The following SERF2 variants were observed in gnomAD, a reference collection of about 807,000 sequenced individuals.
SERF2 encodes gastric cancer-related protein VRG107.
A neutral mutation model predicts 10.7 loss-of-function variants in SERF2; 4 were observed. That is an observed-to-expected ratio of 0.37 (90% CI 0.18 to 0.86). The LOEUF is 0.86. Among genes scored for constraint, SERF2 ranks in the 40% least tolerant of loss-of-function variants. SERF2 has a pLI of 0.43. For synonymous variants in SERF2, 26 were observed against 26.0 expected, an observed-to-expected ratio of 1.00 and a Z score of 0.01; for missense variants, 47 against 79.1, an observed-to-expected ratio of 0.59 and a Z score of 1.54.
In SERF2 at chr15:43,794,856, C is replaced by T. The variant is rs1421243896; in HGVS notation, c.*1083C>T. On this transcript the variant is annotated 3_prime_UTR_variant, in exon 3 of 3. Coordinates refer to ENST00000249786, the MANE Select transcript of SERF2 (RefSeq NM_001018108.4). ...CAGCACATTAGACTGTGTTTGACCACTTCTTCCAGTTCATAGTATTGACTT... is the reference window on the plus strand; with the variant it reads ...CAGCACATTAGACTGTGTTTGACCATTTCTTCCAGTTCATAGTATTGACTT... 1.2e-4 allele frequency: 79 copies of T among 669,108 alleles called. No individual in the cohort carries two copies. In the East Asian group the frequency reaches 2.0e-3, roughly 17 times the overall value. The allele number at this position is 669,108 out of a possible 1,614,324, so 41.4% of individuals were successfully genotyped here.
intron 1 of SERF2, 117 bp from the exon 2 acceptor site, chr15:43,792,858 C>A: frequency 1.3e-6 from 1 of 786,076 alleles, no homozygotes; most frequent in Non-Finnish European, 2.1e-6. Flanking sequence ...GGGCCGTTGT[C>A]GGGGCCCGGA....
upstream of SERF2, among the ~76,000 whole-genome samples, chr15:43,787,538 C>T (rs996022809): frequency 2.6e-5 from 4 of 152,148 alleles, no homozygotes; most frequent in African/African-American, 7.2e-5. Flanking sequence ...TCTGGGATTG[C>T]GGGCATGCGC....
chr15:43,783,040 ACT>A (rs1339220845), intron 1 of SERF2, among the ~76,000 whole-genome samples: 1 of 126,090 alleles, frequency 7.9e-6, no homozygotes, highest in Non-Finnish European at 1.7e-5. Flanking sequence ...ACATAGTCTA[ACT>A]CTGTCACCAG....
chr15:43,793,343 A>G, intron 2 of SERF2: 1 of 579,054 alleles, frequency 1.7e-6, no homozygotes, highest in Non-Finnish European at 3.0e-6. Context: ...AAGGGCAGGG[A>G]GCTTCACATT....
At chr15:43,786,414 CAAA>C (rs1190326241) in intron 2 of SERF2, among the ~76,000 whole-genome samples, 2 of 68,972 alleles carry the variant, frequency 2.9e-5, no homozygotes. Flanking sequence ...GACTCTGTCT[CAAA>C]AAAAAAAAAA....
chr15:43,793,431 T>G, intron 2 of SERF2: 1 of 786,916 alleles, frequency 1.3e-6, no homozygotes, highest in Non-Finnish European at 2.0e-6. Context: ...TCTCCCAACC[T>G]CCTCACTGGT....
chr15:43,784,673 G>T (rs897190827), intron 1 of SERF2, among the ~76,000 whole-genome samples: 5 of 151,524 alleles, frequency 3.3e-5, no homozygotes, highest in African/African-American at 1.2e-4. Flanking sequence ...TTTCACCATG[G>T]TCTCGATCTC....
chr15:43,790,294 A>G (rs563060289), upstream of SERF2, among the ~76,000 whole-genome samples: 234 of 151,916 alleles, frequency 1.5e-3, no homozygotes, highest in Middle Eastern at 3.4e-3. Context: ...CCTGGGTAAC[A>G]GAGTAAGACT....
rs2087190615 is a variant in SERF2, at chr15:43,795,507, T to C, written c.*1734T>C. ...GGACTGGAGGAGCTGGAGGGGTTTCTTGGTCAGCTGGCCTCGCAGCCCCAC... is the reference window on the plus strand; with the variant it reads ...GGACTGGAGGAGCTGGAGGGGTTTCCTGGTCAGCTGGCCTCGCAGCCCCAC... On this transcript the variant is annotated 3_prime_UTR_variant, in exon 3 of 3. Transcript: ENST00000249786. 3 of 1,614,064 alleles carry C rather than the reference T, an allele frequency of 1.9e-6. No individual in the cohort carries two copies. Among genetic ancestry groups the C allele is most frequent in the South Asian group, 2.2e-5 (2 of 91,082 alleles).
upstream of SERF2, among the ~76,000 whole-genome samples, chr15:43,790,320 A>C (rs1037155404): frequency 5.9e-5 from 9 of 151,902 alleles, no homozygotes; most frequent in African/African-American, 1.4e-4. Flanking sequence ...AAAAAAAACC[A>C]AAAATTCATA....
intron 1 of SERF2, 72 bp from the exon 2 acceptor site, chr15:43,792,903 G>A: frequency 1.8e-6 from 2 of 1,114,024 alleles, no homozygotes. Flanking sequence ...TGCTGGCCGC[G>A]CTGGGGTAGA....
At position 43,795,611 on chromosome 15, in the gene SERF2, T is replaced by G. The variant is rs1384750483; in HGVS notation, c.*1838T>G. 1 of 1,611,410 alleles carries G rather than the reference T, an allele frequency of 6.2e-7. No individual in the cohort carries two copies. Among genetic ancestry groups the G allele is most frequent in the Non-Finnish European group, 8.5e-7 (1 of 1,177,926 alleles). ...CTCTTCCCCTCTCCCCCAACTACCT[T>G]TGTTAAGGCTCTTGAGGGTTCTTAT... is the stretch of plus-strand genomic sequence containing the variant. On this transcript the variant is annotated 3_prime_UTR_variant, in exon 3 of 3. Transcript: ENST00000249786.
Position 43,795,122 on chromosome 15 carries a change from G to A in SERF2, c.*1349G>A, listed in dbSNP as rs1185244548. The A allele has an allele frequency of 4.3e-6, 7 of 1,613,988 alleles. No homozygotes were observed. Among genetic ancestry groups the A allele is most frequent in the African/African-American group, 4.0e-5 (3 of 74,908 alleles). On this transcript the variant is annotated 3_prime_UTR_variant, in exon 3 of 3. Transcript: ENST00000249786. ...GGTGCCAGTAACAGCCCCAGATAGA[G>A]GAGTACGCAGGCCCAGCATGAGGCA...
chr15:43,793,464 A>G, intron 2 of SERF2: 2 of 1,118,056 alleles, frequency 1.8e-6, no homozygotes, highest in Non-Finnish European at 2.5e-6. Context: ...GGTCCTCAAT[A>G]CAGAATAGAG....
At chr15:43,790,803 G>C (rs1177426142), upstream of SERF2, among the ~76,000 whole-genome samples, 1 of 148,544 alleles carries the variant, frequency 6.7e-6, no homozygotes, top group Admixed American at 6.7e-5. Context: ...TGGCTCTGTC[G>C]CCCAGGCTGG....
intron 2 of SERF2, among the ~76,000 whole-genome samples, chr15:43,786,028 T>G (rs1400742715): frequency 6.6e-6 from 1 of 151,912 alleles, no homozygotes. Flanking sequence ...TTTCTGCTTG[T>G]GTTTTTTTGG....
At chr15:43,793,689 C>T (rs372561860) in intron 2 of SERF2, 21 bp from the exon 3 acceptor site, 8 of 1,614,012 alleles carry the variant, frequency 5.0e-6, no homozygotes, top group Non-Finnish European at 6.8e-6. Context: ...CCTCCCAGTG[C>T]CCCATCATCT....
upstream of SERF2, among the ~76,000 whole-genome samples, chr15:43,788,153 G>T (rs546047005): frequency 3.8e-4 from 58 of 152,260 alleles, no homozygotes; most frequent in African/African-American, 1.3e-3. Context: ...GGGATTACAG[G>T]CATGAGCCAC....
At chr15:43,793,280 G>T in intron 2 of SERF2, 197 bp downstream of exon 2, 1 of 572,400 alleles carries the variant, frequency 1.7e-6, no homozygotes, top group East Asian at 2.9e-5. Context: ...GACGGGGGCG[G>T]GCGCCTGCCC....
Sources: gnomAD v4.1 joint callset for allele counts (sites outside exome capture counted in the v4.1 genomes callset) on GRCh38, gnomAD v4.1.1 for gene constraint, MANE v1.5 for transcripts, NCBI Gene and HGNC (gene_info 2026-07-23, HGNC 2026-07-21) for gene names.